Variants in VWA3B observed in about 807,000 individuals in gnomAD.
VWA3B encodes von Willebrand factor A domain-containing protein 3B.
A neutral mutation model predicts 158.3 loss-of-function variants in VWA3B; 138 were observed. That is an observed-to-expected ratio of 0.87 (90% CI 0.76 to 1.00). The LOEUF (loss-of-function observed/expected upper bound fraction) is 1.00. Among genes scored for constraint, VWA3B ranks in the 50% least tolerant of loss-of-function variants. The probability of loss-of-function intolerance (pLI) is 0.00; values close to 1 mark genes in which losing one functional copy is unlikely to be tolerated. For synonymous variants in VWA3B, 596 were observed against 587.3 expected (o/e 1.01, Z -0.21); for missense variants, 1,555 against 1,565.1 (o/e 0.99, Z 0.11).
intron 14 of VWA3B, among the ~76,000 whole-genome samples, chr2:98,224,459 G>C (rs1207629951): frequency 6.6e-6 from 1 of 152,122 alleles, no homozygotes; most frequent in Non-Finnish European, 1.5e-5. Context: ...TTCATTGAAG[G>C]AGTAAAATGT....
At chr2:98,219,988 C>A (rs1177520262) in intron 14 of VWA3B, among the ~76,000 whole-genome samples, 2 of 151,792 alleles carry the variant, frequency 1.3e-5, no homozygotes, top group African/African-American at 4.8e-5. Context: ...CACGGCAAGA[C>A]CCCACCTCTA....
intron 2 of VWA3B, among the ~76,000 whole-genome samples, chr2:98,113,583 T>A (rs59083177): frequency 0.11 from 16,946 of 152,228 alleles, 1,243 homozygotes; most frequent in African/African-American, 0.21. Context: ...TATTGAGCTA[T>A]AATGTACCTA....
intron 23 of VWA3B, among the ~76,000 whole-genome samples, chr2:98,292,795 T>C (rs976408318): frequency 3.3e-5 from 5 of 151,982 alleles, no homozygotes; most frequent in African/African-American, 4.8e-5. Flanking sequence ...TGAAAACTCA[T>C]TTCTACTAAA....
rs971405412 is a variant in VWA3B at position 98,139,596 on chromosome 2, T to C, written c.988+5657T>C. The stretch of plus-strand genomic sequence containing the variant: ...AACCCTGTGTCTAGCTCAGGGTTTG[T>C]GAATGCACCAATTGACACTCTGTAT... On this transcript the variant is annotated intron_variant, in intron 7 of 27. Coordinates refer to ENST00000477737, the MANE Select transcript of VWA3B (RefSeq NM_144992.5). Among the ~76,000 whole-genome samples, 54 of 152,034 alleles carry C rather than the reference T, an allele frequency of 3.6e-4. 2 individuals are homozygous for C. The highest frequency in any genetic ancestry group is 1.2e-4 in the Non-Finnish European group (8 of 68,034).
chr2:98,128,537 T>C, intron 6 of VWA3B, 129 bp downstream of exon 6: 1 of 910,452 alleles, frequency 1.1e-6, no homozygotes, highest in Non-Finnish European at 1.6e-6. Flanking sequence ...CAGTATATTA[T>C]TTAGTCTCTC....
chr2:98,234,681 T>G lies in VWA3B; in HGVS notation c.2342T>G (p.Met781Arg). Residue 781 changes from methionine (M) to arginine (R), a missense_variant, in exon 17 of 28, where the codon ATG (methionine) becomes AGG (arginine). By Grantham distance (91) the Met-to-Arg change is moderately conservative. Transcript: ENST00000477737. ...STKTSLLRSQ[M>R]SSLRSSACSE... is the part of the protein sequence containing the mutation. ...AAAACCAGCCTGCTCAGAAGCCAGA[T>G]GTCCTCCCTCAGGAGCTCAGCTTGC... 1 of 1,614,186 alleles carries G rather than the reference T, an allele frequency of 6.2e-7. No homozygotes were observed. The highest frequency in any genetic ancestry group is 1.1e-5 in the South Asian group (1 of 91,076).
At chr2:98,104,531 G>A (rs879833179) in intron 2 of VWA3B, among the ~76,000 whole-genome samples, 4 of 152,170 alleles carry the variant, frequency 2.6e-5, no homozygotes, top group Admixed American at 6.5e-5. Context: ...ATCTGTCGCC[G>A]TGATCCAAAC....
intron 5 of VWA3B, among the ~76,000 whole-genome samples, chr2:98,123,367 C>T (rs182806430): frequency 2.6e-5 from 4 of 152,314 alleles, no homozygotes; most frequent in Non-Finnish European, 4.4e-5. Flanking sequence ...ATGCAAGTCC[C>T]GTTTCTATAC....
At chr2:98,189,693 T>TTAATTC (rs2105401513) in intron 10 of VWA3B, among the ~76,000 whole-genome samples, 2 of 152,340 alleles carry the variant, frequency 1.3e-5, no homozygotes, top group East Asian at 3.9e-4. Context: ...ACTGTAGTCT[T>TTAATTC]TAATTCTCAT....
rs1308242156 is a variant in VWA3B at position 98,256,155 on chromosome 2, T to C, written c.2824T>C (p.Ser942Pro). Reference protein sequence around the residue: ...RLNKIVWRALSQEEKEKLDAN... With the variant: ...RLNKIVWRALPQEEKEKLDAN... ...GAATAAAATTGTTTGGCGAGCATTA[T>C]CTCAAGAGGAAAAAGAAAAGTAAGC... Residue 942 changes from serine to proline, a missense_variant, in exon 21 of 28, where the codon TCT becomes CCT. Physicochemically the swap from Ser to Pro is moderately conservative, Grantham distance 74. Transcript: ENST00000477737. 1 of 1,612,650 alleles carries C rather than the reference T, an allele frequency of 6.2e-7. No individual in the cohort carries two copies.
chr2:98,235,363 A>G lies in VWA3B; in HGVS notation c.2428+596A>G, dbSNP rs1044620834. Among the ~76,000 whole-genome samples the G allele has an allele frequency of 2.0e-5, 3 of 152,152 alleles. No individual in the cohort carries two copies. In the South Asian group the frequency reaches 6.2e-4, roughly 32 times the overall value. ...GTAGCAAATGTGCCCCTGTGGCTAC[A>G]CAGTCATAGTTTAATTTAGAACTCT... is the stretch of plus-strand genomic sequence containing the variant. On this transcript the variant is annotated intron_variant, in intron 17 of 27. Coordinates refer to ENST00000477737, the MANE Select transcript of VWA3B (RefSeq NM_144992.5).
intron 11 of VWA3B, among the ~76,000 whole-genome samples, chr2:98,193,828 T>A (rs1681802154): frequency 6.6e-6 from 1 of 152,022 alleles, no homozygotes; most frequent in Admixed American, 6.6e-5. Flanking sequence ...GACCTCGTGA[T>A]CCGCCCGCCT....
chr2:98,330,123 T>G, the VWA3B span, among the ~76,000 whole-genome samples: 1 of 152,202 alleles, frequency 6.6e-6, no homozygotes, highest in Admixed American at 6.5e-5. Context: ...AGAGTCACCA[T>G]CTTCCAAGGG....
At chr2:98,153,033 T>C (rs1029168107) in intron 7 of VWA3B, among the ~76,000 whole-genome samples, 22 of 152,198 alleles carry the variant, frequency 1.4e-4, no homozygotes, top group African/African-American at 4.6e-4. Context: ...CCTTTCACCC[T>C]TTCACTTCTA....
chr2:98,156,798 G>T (rs936816545), intron 7 of VWA3B, among the ~76,000 whole-genome samples: 2 of 150,722 alleles, frequency 1.3e-5, no homozygotes, highest in African/African-American at 2.4e-5. Context: ...AAGTAGAATA[G>T]ATTTATTCAG....
At chr2:98,218,727 T>C (rs751743669) in intron 14 of VWA3B, among the ~76,000 whole-genome samples, 1 of 152,214 alleles carries the variant, frequency 6.6e-6, no homozygotes, top group Non-Finnish European at 1.5e-5. Flanking sequence ...GAGGAGTGAC[T>C]TTAAATCCAG....
intron 22 of VWA3B, among the ~76,000 whole-genome samples, chr2:98,287,054 A>G (rs1689207807): frequency 6.6e-6 from 1 of 152,196 alleles, no homozygotes; most frequent in African/African-American, 2.4e-5. Flanking sequence ...GGCTCAAAAC[A>G]TTGCTGCACT....
intron 16 of VWA3B, among the ~76,000 whole-genome samples, chr2:98,230,816 G>T (rs943271575): frequency 5.3e-5 from 8 of 152,046 alleles, no homozygotes; most frequent in African/African-American, 1.9e-4. Context: ...AAGGCAAGAA[G>T]AAAAAATAAA....
chr2:98,314,063 T>G (rs1192004125), downstream of VWA3B, among the ~76,000 whole-genome samples: 2 of 152,178 alleles, frequency 1.3e-5, no homozygotes, highest in East Asian at 1.9e-4. Context: ...CAGTGCTCTT[T>G]GAGAGATAAA....
Sources: gnomAD v4.1 joint callset for allele counts (sites outside exome capture counted in the v4.1 genomes callset) on GRCh38, gnomAD v4.1.1 for gene constraint, MANE v1.5 for transcripts, NCBI Gene and HGNC (gene_info 2026-07-23, HGNC 2026-07-21) for gene names.